CFAP299: variants seen among roughly 807,000 people sequenced by gnomAD.
The protein encoded by CFAP299 is cilia and flagella associated protein 299.
In CFAP299, 21 loss-of-function variants were observed where a neutral mutation model predicts 27.0. The observed-to-expected ratio is 0.78, with a 90% CI of 0.55 to 1.12. CFAP299 has a LOEUF of 1.12. Among genes scored for constraint, CFAP299 ranks in the 50% most tolerant of loss-of-function variants. The pLI, the probability that CFAP299 is intolerant of heterozygous loss-of-function variation, is 0.00. For synonymous variants in CFAP299, 104 were observed against 98.1 expected (o/e 1.06, Z -0.36); for missense variants, 310 against 276.6 (o/e 1.12, Z -0.86).
chr4:80,889,246 A>G (rs139029583), intron 4 of CFAP299, among the ~76,000 whole-genome samples: 3 of 152,024 alleles, frequency 2.0e-5, no homozygotes, highest in Non-Finnish European at 4.4e-5. Flanking sequence ...CAGACTAAGA[A>G]AAAGAGAGAG....
intron 3 of CFAP299, among the ~76,000 whole-genome samples, chr4:80,667,435 T>C (rs1050245300): frequency 1.3e-5 from 2 of 152,182 alleles, no homozygotes; most frequent in Non-Finnish European, 2.9e-5. Flanking sequence ...CTAGGTCTTA[T>C]TTCTTCTATC....
At chr4:80,838,641 T>C (rs1730695219) in intron 3 of CFAP299, among the ~76,000 whole-genome samples, 1 of 152,116 alleles carries the variant, frequency 6.6e-6, no homozygotes. Flanking sequence ...TTGGTACCAG[T>C]ACCATGCTGT....
chr4:80,392,593 T>C (rs188788459), intron 2 of CFAP299, among the ~76,000 whole-genome samples: 54 of 152,246 alleles, frequency 3.5e-4, no homozygotes, highest in Non-Finnish European at 6.8e-4. Flanking sequence ...GCTGCCGTCA[T>C]GTGAAGATGG....
At chr4:80,514,154 T>C (rs1465094820) in intron 2 of CFAP299, among the ~76,000 whole-genome samples, 1 of 152,062 alleles carries the variant, frequency 6.6e-6, no homozygotes, top group African/African-American at 2.4e-5. Flanking sequence ...AAAGAGATTT[T>C]TTATAATTTT....
intron 2 of CFAP299, among the ~76,000 whole-genome samples, chr4:80,500,095 C>G (rs1363578871): frequency 6.6e-6 from 1 of 152,048 alleles, no homozygotes; most frequent in African/African-American, 2.4e-5. Context: ...CCACCACAGT[C>G]TGGATTGAAC....
intron 2 of CFAP299, among the ~76,000 whole-genome samples, chr4:80,408,381 T>G (rs1245978268): frequency 1.3e-5 from 2 of 152,226 alleles, no homozygotes; most frequent in Non-Finnish European, 2.9e-5. Context: ...GAATTGAAGA[T>G]TTCTCAGTCA....
intron 3 of CFAP299, among the ~76,000 whole-genome samples, chr4:80,602,510 GT>G (rs1209108717): frequency 6.6e-6 from 1 of 152,096 alleles, no homozygotes; most frequent in Non-Finnish European, 1.5e-5. Context: ...TACTAATAAA[GT>G]TCTGAAAGGA....
chr4:80,860,262 C>A (rs1259613487), intron 3 of CFAP299, among the ~76,000 whole-genome samples: 1 of 152,218 alleles, frequency 6.6e-6, no homozygotes, highest in Non-Finnish European at 1.5e-5. Flanking sequence ...TCAGCTCCAC[C>A]AGCTCCTTTA....
At chr4:80,667,547 A>G (rs939446870) in intron 3 of CFAP299, among the ~76,000 whole-genome samples, 1 of 152,050 alleles carries the variant, frequency 6.6e-6, no homozygotes, top group African/African-American at 2.4e-5. Context: ...GTCTTCCTTC[A>G]TGAGACCCAC....
intron 3 of CFAP299, among the ~76,000 whole-genome samples, chr4:80,853,389 C>T (rs2110150077): frequency 6.6e-6 from 1 of 152,232 alleles, no homozygotes; most frequent in South Asian, 2.1e-4. Context: ...ATAGATATAG[C>T]TGCTGTGAAC....
chr4:80,362,427 A>AT (rs1378860108), intron 1 of CFAP299, among the ~76,000 whole-genome samples: 3 of 151,582 alleles, frequency 2.0e-5, no homozygotes, highest in African/African-American at 7.3e-5. Flanking sequence ...AAGATACTCT[A>AT]TTAATTACCT....
intron 2 of CFAP299, among the ~76,000 whole-genome samples, chr4:80,395,443 G>T (rs1725727491): frequency 6.6e-6 from 1 of 152,002 alleles, no homozygotes; most frequent in Non-Finnish European, 1.5e-5. Flanking sequence ...AAGTATATTG[G>T]ATAGAAGTGG....
intron 2 of CFAP299, among the ~76,000 whole-genome samples, chr4:80,455,646 G>A (rs1444409019): frequency 6.6e-6 from 1 of 151,970 alleles, no homozygotes; most frequent in Non-Finnish European, 1.5e-5. Flanking sequence ...AAAAAAAAAA[G>A]ATATTGAGTG....
intron 2 of CFAP299, among the ~76,000 whole-genome samples, chr4:80,377,469 C>T (rs767841292): frequency 9.9e-5 from 15 of 151,840 alleles, no homozygotes; most frequent in East Asian, 1.9e-4. Flanking sequence ...TTCTATTCCA[C>T]GGATTTATAT....
At chr4:80,621,097 A>C (rs1253983189) in intron 3 of CFAP299, among the ~76,000 whole-genome samples, 1 of 152,084 alleles carries the variant, frequency 6.6e-6, no homozygotes, top group African/African-American at 2.4e-5. Flanking sequence ...TTTCAGTAGA[A>C]TGCTTCCTTC....
At chr4:80,910,684 T>A (rs1428493020) in intron 4 of CFAP299, among the ~76,000 whole-genome samples, 1 of 151,884 alleles carries the variant, frequency 6.6e-6, no homozygotes, top group African/African-American at 2.4e-5. Context: ...GGGTAGAGGG[T>A]GGAAGCAGAA....
At chr4:80,802,347 G>C (rs1045946171) in intron 3 of CFAP299, among the ~76,000 whole-genome samples, 1 of 152,012 alleles carries the variant, frequency 6.6e-6, no homozygotes, top group Admixed American at 6.6e-5. Flanking sequence ...TGGGTGCTTT[G>C]AGTAGTGGTA....
intron 3 of CFAP299, among the ~76,000 whole-genome samples, chr4:80,865,560 A>G (rs1240114612): frequency 6.6e-6 from 1 of 152,226 alleles, no homozygotes; most frequent in Non-Finnish European, 1.5e-5. Context: ...GTCAGCAATT[A>G]CTACATACTA....
At chr4:80,716,389 A>G (rs1297614548) in intron 3 of CFAP299, among the ~76,000 whole-genome samples, 1 of 150,112 alleles carries the variant, frequency 6.7e-6, no homozygotes, top group Non-Finnish European at 1.5e-5. Flanking sequence ...TTCTATATAT[A>G]TATAATATAT....
Sources: gnomAD v4.1 joint callset for allele counts (sites outside exome capture counted in the v4.1 genomes callset) on GRCh38, gnomAD v4.1.1 for gene constraint, MANE v1.5 for transcripts, NCBI Gene and HGNC (gene_info 2026-07-23, HGNC 2026-07-21) for gene names.